HFM1: variants seen among roughly 807,000 people sequenced by gnomAD.
HFM1 encodes the protein probable ATP-dependent DNA helicase HFM1.
Under a neutral mutation model 192.1 loss-of-function variants are expected in HFM1, and 169 were observed. The ratio of observed to expected loss-of-function variants is 0.88; its 90% CI spans 0.78 to 1.00. The LOEUF is 1.00. Among genes scored for constraint, HFM1 ranks in the 50% least tolerant of loss-of-function variants. The pLI, the probability that HFM1 is intolerant of heterozygous loss-of-function variation, is 0.00. For synonymous variants in HFM1, 525 were observed against 537.8 expected, an observed-to-expected ratio of 0.98 and a Z score of 0.33; for missense variants, 1,661 against 1,668.0, an observed-to-expected ratio of 1.00 and a Z score of 0.07.
intron 6 of HFM1, among the ~76,000 whole-genome samples, chr1:91,381,507 T>C (rs1311594766): frequency 1.3e-5 from 2 of 152,184 alleles, no homozygotes. Context: ...ACTATCAACA[T>C]ACTGGCTTGA....
intron 4 of HFM1, among the ~76,000 whole-genome samples, chr1:91,388,204 C>G (rs1662492646): frequency 2.0e-5 from 3 of 152,044 alleles, no homozygotes; most frequent in African/African-American, 7.2e-5. Context: ...GTCATTCTAG[C>G]AAATTATTAA....
In HFM1 at chr1:91,329,304, G is replaced by A. The variant is rs993837286; in HGVS notation, c.2336-4538C>T. 2.3e-5 allele frequency: 37 copies of A among 1,607,952 alleles called. 1 individual carries two copies. The highest frequency in any genetic ancestry group is 6.7e-5 in the East Asian group (3 of 44,790). On this transcript the variant is annotated intron_variant, in intron 20 of 38. Coordinates refer to ENST00000370425, the MANE Select transcript of HFM1 (RefSeq NM_001017975.6). Reference sequence around the variant, plus strand: ...AAATGAAGAAGAGCTGGTCAAGTTCGTGTGTGGTGAAAAGCAGTTCTCTGA... The same window carrying A: ...AAATGAAGAAGAGCTGGTCAAGTTCATGTGTGGTGAAAAGCAGTTCTCTGA...
At chr1:91,300,551 C>G (rs772032133) in intron 30 of HFM1, among the ~76,000 whole-genome samples, 3 of 152,164 alleles carry the variant, frequency 2.0e-5, no homozygotes, top group Non-Finnish European at 4.4e-5. Flanking sequence ...TATTGGCAAA[C>G]TAAATCTAGC....
At chr1:91,277,149 C>A (rs1266763831) in intron 30 of HFM1, 87 bp from the exon 31 acceptor site, 2 of 657,602 alleles carry the variant, frequency 3.0e-6, no homozygotes, top group Non-Finnish European at 5.0e-6. Flanking sequence ...CAGTTTCCTT[C>A]CTTTCAGACA....
At chr1:91,315,769 G>A (rs371547895) in intron 28 of HFM1, 46 bp downstream of exon 28, 2 of 1,462,284 alleles carry the variant, frequency 1.4e-6, no homozygotes, top group Non-Finnish European at 9.3e-7. Context: ...TTCTTTTACA[G>A]TATATGCTTA....
intron 20 of HFM1, among the ~76,000 whole-genome samples, chr1:91,325,053 G>A (rs1221848936): frequency 6.6e-6 from 1 of 152,136 alleles, no homozygotes; most frequent in South Asian, 2.1e-4. Context: ...GGGTCTCTGA[G>A]TCCAGGCCTA....
intron 28 of HFM1, among the ~76,000 whole-genome samples, chr1:91,314,379 G>A (rs1001298468): frequency 2.0e-5 from 3 of 152,102 alleles, no homozygotes; most frequent in Non-Finnish European, 4.4e-5. Flanking sequence ...TCGGTCTCCC[G>A]AGTAGCTGGG....
chr1:91,386,913 A>G (rs1195930367), intron 4 of HFM1, among the ~76,000 whole-genome samples: 1 of 152,208 alleles, frequency 6.6e-6, no homozygotes, highest in African/African-American at 2.4e-5. Context: ...TAAACTAAGT[A>G]TATTAGCAGA....
chr1:91,348,905 CAG>C (rs1374037688), intron 18 of HFM1, among the ~76,000 whole-genome samples: 1 of 151,918 alleles, frequency 6.6e-6, no homozygotes, highest in Non-Finnish European at 1.5e-5. Context: ...GCCTGGGCAA[CAG>C]AGTGACAGCC....
intron 19 of HFM1, among the ~76,000 whole-genome samples, chr1:91,344,483 TG>T (rs2101659888): frequency 6.6e-6 from 1 of 152,318 alleles, no homozygotes; most frequent in Non-Finnish European, 1.5e-5. Context: ...CAATGAAAAA[TG>T]CTTACTTTAC....
At chr1:91,300,488 GA>G (rs1287442549) in intron 30 of HFM1, among the ~76,000 whole-genome samples, 2 of 151,404 alleles carry the variant, frequency 1.3e-5, no homozygotes, top group Non-Finnish European at 2.9e-5. Context: ...CAAAAAAAGA[GA>G]ATTTTAGACC....
At chr1:91,352,849 C>T (rs1305179350) in intron 15 of HFM1, among the ~76,000 whole-genome samples, 198 bp from the exon 16 acceptor site, 1 of 151,840 alleles carries the variant, frequency 6.6e-6, no homozygotes, top group Non-Finnish European at 1.5e-5. Context: ...TTTCAAATTA[C>T]ACCATGTTCA....
At chr1:91,371,154 T>C (rs1412987785) in intron 13 of HFM1, among the ~76,000 whole-genome samples, 2 of 152,008 alleles carry the variant, frequency 1.3e-5, no homozygotes, top group South Asian at 4.2e-4. Context: ...ATCCTGAAAA[T>C]GGCCATACTG....
intron 34 of HFM1, 110 bp from the exon 35 acceptor site, chr1:91,267,965 A>G: frequency 1.5e-6 from 1 of 652,814 alleles, no homozygotes; most frequent in East Asian, 3.0e-5. Flanking sequence ...TTGAAGTTGT[A>G]GAACAGTTAC....
At position 91,329,734 on chromosome 1, in the gene HFM1, C is replaced by CA. The variant is rs34827273; in HGVS notation, c.2336-4969dup. ...CCTTTTTTAGCTCAGGAAAATATGT[C>CA]AGGCTCAAACCACTTCTCAGGCAGT... On this transcript the variant is annotated intron_variant, in intron 20 of 38. Transcript: ENST00000370425. Among the ~76,000 whole-genome samples the CA allele has an allele frequency of 4.4e-3, 666 of 152,280 alleles. 9 individuals carry two copies. The highest frequency in any genetic ancestry group is 0.015 in the African/African-American group (636 of 41,566).
At position 91,315,912 on chromosome 1, in the gene HFM1, C is replaced by T; in HGVS notation, c.3043G>A (p.Glu1015Lys). The T allele has an allele frequency of 6.2e-7, 1 of 1,604,340 alleles. No homozygotes were observed. The highest frequency in any genetic ancestry group is 1.3e-5 in the African/African-American group (1 of 74,762). The change falls in exon 28 of 39, where the codon GAA becomes AAA. Residue 1015 changes from glutamate (E) to lysine (K), a missense_variant. Transcript: ENST00000370425. ...ILVTVILRNF[E>K]QLQTKRTASD... ...GCTGTTCTTTTAGTTTGTAGCTGTT[C>T]AAAATTTCTTAATATAACAGTCACT...
intron 37 of HFM1, 42 bp downstream of exon 37, chr1:91,262,439 G>A (rs376450130): frequency 4.6e-5 from 72 of 1,569,988 alleles, no homozygotes; most frequent in African/African-American, 5.4e-5. Context: ...TTAAGCACTC[G>A]GGCAAAATTT....
At chr1:91,335,904 C>T (rs1000517299) in intron 20 of HFM1, among the ~76,000 whole-genome samples, 2 of 152,006 alleles carry the variant, frequency 1.3e-5, no homozygotes, top group African/African-American at 4.8e-5. Flanking sequence ...TATAAGAGTT[C>T]CTATCAACTT....
At chr1:91,368,410 T>C (rs1659687890) in intron 13 of HFM1, among the ~76,000 whole-genome samples, 1 of 152,082 alleles carries the variant, frequency 6.6e-6, no homozygotes, top group Non-Finnish European at 1.5e-5. Context: ...CGGCAGAAAC[T>C]CTACAAACCA....
Sources: allele counts gnomAD v4.1 joint callset (sites outside exome capture counted in the v4.1 genomes callset), GRCh38; gene constraint gnomAD v4.1.1; transcripts MANE v1.5; gene names NCBI Gene and HGNC (gene_info 2026-07-23, HGNC 2026-07-21).